The following FRAS1 variants were observed in gnomAD, a reference collection of about 807,000 sequenced individuals.
FRAS1 encodes the protein extracellular matrix organizing protein FRAS1.
A neutral mutation model predicts 435.2 loss-of-function variants in FRAS1; 290 were observed. That is an observed-to-expected ratio of 0.67 (90% CI 0.61 to 0.73). The LOEUF is 0.73. FRAS1 is among the 30% of genes least tolerant of loss of function. The pLI, the probability that FRAS1 is intolerant of heterozygous loss-of-function variation, is 0.00. For missense variants in FRAS1, 4,860 were observed against 5,001.5 expected (o/e 0.97, Z 0.85); for synonymous variants, 1,800 against 1,851.0 (o/e 0.97, Z 0.71).
chr4:78,456,683 T>C (rs1049615733), intron 47 of FRAS1, among the ~76,000 whole-genome samples: 1 of 152,088 alleles, frequency 6.6e-6, no homozygotes, highest in African/African-American at 2.4e-5. Flanking sequence ...TCAGATGGGG[T>C]TGAAGGGTAA....
chr4:78,504,262 G>A (rs569076660), intron 61 of FRAS1, among the ~76,000 whole-genome samples: 2 of 152,278 alleles, frequency 1.3e-5, no homozygotes, highest in African/African-American at 4.8e-5. Context: ...TTCAAGTCCT[G>A]GATATCGTTA....
intron 47 of FRAS1, among the ~76,000 whole-genome samples, chr4:78,455,363 C>T (rs963895099): frequency 1.3e-5 from 2 of 152,124 alleles, no homozygotes; most frequent in African/African-American, 4.8e-5. Flanking sequence ...AGGAGCAGCA[C>T]CTCACCCCAC....
intron 2 of FRAS1, among the ~76,000 whole-genome samples, chr4:78,120,780 TC>T (rs1718968680): frequency 6.6e-6 from 1 of 152,156 alleles, no homozygotes; most frequent in African/African-American, 2.4e-5. Flanking sequence ...TAAGCCCAAT[TC>T]CTAGGCTTTC....
intron 25 of FRAS1, among the ~76,000 whole-genome samples, chr4:78,375,198 C>T (rs1307378664): frequency 6.6e-6 from 1 of 152,122 alleles, no homozygotes; most frequent in Non-Finnish European, 1.5e-5. Context: ...CTATTAAATA[C>T]TACTACTAAA....
At chr4:78,291,170 C>T (rs768363439) in intron 14 of FRAS1, among the ~76,000 whole-genome samples, 3 of 152,218 alleles carry the variant, frequency 2.0e-5, no homozygotes, top group Non-Finnish European at 4.4e-5. Context: ...TGCCACATTG[C>T]ACTGCTATGA....
intron 47 of FRAS1, among the ~76,000 whole-genome samples, chr4:78,459,106 C>T (rs1053682090): frequency 6.6e-6 from 1 of 152,174 alleles, no homozygotes; most frequent in Admixed American, 6.5e-5. Flanking sequence ...CTGGGCCCCA[C>T]CTAGACCAAT....
chr4:78,084,681 G>A (rs1457351787), intron 2 of FRAS1, among the ~76,000 whole-genome samples: 3 of 152,094 alleles, frequency 2.0e-5, no homozygotes, highest in East Asian at 1.9e-4. Flanking sequence ...AAGATGTTCC[G>A]TCCTCTTCAT....
intron 29 of FRAS1, among the ~76,000 whole-genome samples, chr4:78,389,054 ATATGC>A: frequency 6.6e-6 from 1 of 152,340 alleles, no homozygotes; most frequent in East Asian, 1.9e-4. Flanking sequence ...CATTTTGTCC[ATATGC>A]TACTGAAAAT....
At chr4:78,512,501 T>G (rs1032768069) in intron 64 of FRAS1, among the ~76,000 whole-genome samples, 1 of 134,028 alleles carries the variant, frequency 7.5e-6, no homozygotes, top group African/African-American at 2.9e-5. Flanking sequence ...CGCTCAAAGT[T>G]TAAACTGGTA....
chr4:78,396,297 C>G (rs1732659973), intron 29 of FRAS1, among the ~76,000 whole-genome samples: 1 of 152,166 alleles, frequency 6.6e-6, no homozygotes, highest in African/African-American at 2.4e-5. Flanking sequence ...GTTATTCTCA[C>G]TTTGATTATA....
intron 63 of FRAS1, among the ~76,000 whole-genome samples, chr4:78,509,862 A>C (rs934017845): frequency 6.6e-6 from 1 of 152,222 alleles, no homozygotes; most frequent in African/African-American, 2.4e-5. Context: ...TCACTGAATG[A>C]TTTTAGACAT....
At chr4:78,421,693 G>A (rs1004213056) in intron 33 of FRAS1, among the ~76,000 whole-genome samples, 170 bp from the exon 34 acceptor site, 1 of 152,124 alleles carries the variant, frequency 6.6e-6, no homozygotes, top group African/African-American at 2.4e-5. Context: ...TTTCAGATTT[G>A]CCCTTTCCTT....
At chr4:78,370,418 T>C (rs1310775145) in intron 23 of FRAS1, among the ~76,000 whole-genome samples, 1 of 152,232 alleles carries the variant, frequency 6.6e-6, no homozygotes, top group East Asian at 1.9e-4. Context: ...ATGTTGGATA[T>C]GTATCCTGAC....
chr4:78,430,869 G>A (rs1368486028), intron 37 of FRAS1, among the ~76,000 whole-genome samples: 1 of 152,032 alleles, frequency 6.6e-6, no homozygotes, highest in Admixed American at 6.6e-5. Context: ...CATTTTTGAA[G>A]TATTATCTAT....
chr4:78,368,334 CT>C (rs796677701), intron 22 of FRAS1, among the ~76,000 whole-genome samples: 108 of 138,228 alleles, frequency 7.8e-4, no homozygotes, highest in East Asian at 5.4e-3. Flanking sequence ...CAATAGCATT[CT>C]TTTTTTTTTT....
chr4:78,065,465 G>T (rs1447909009), intron 1 of FRAS1, among the ~76,000 whole-genome samples: 1 of 152,012 alleles, frequency 6.6e-6, no homozygotes, highest in Admixed American at 6.6e-5. Context: ...ATAATCTGGT[G>T]GGCAGAAGTT....
intron 20 of FRAS1, among the ~76,000 whole-genome samples, chr4:78,358,988 A>G (rs1040618073): frequency 1.3e-5 from 2 of 152,216 alleles, no homozygotes; most frequent in African/African-American, 4.8e-5. Context: ...AAAAAGCACT[A>G]AAAGAAAAAA....
intron 2 of FRAS1, among the ~76,000 whole-genome samples, chr4:78,195,521 C>T (rs1722763448): frequency 2.0e-5 from 3 of 152,254 alleles, no homozygotes; most frequent in Admixed American, 2.0e-4. Flanking sequence ...TGATCTCAGA[C>T]TGCTGTGCTA....
In FRAS1 at chr4:78,450,131, C is replaced by G; in HGVS notation, c.6275-20C>G. 2 of 1,598,342 alleles carry G rather than the reference C, an allele frequency of 1.3e-6. No homozygotes were observed. Among genetic ancestry groups the G allele is most frequent in the South Asian group, 2.2e-5 (2 of 88,988 alleles). On this transcript the variant is annotated intron_variant, in intron 44 of 73. Transcript: ENST00000512123. ...AGGAAATGTTGGGGAATAACCTACTCTCTTCCGTTCTCTTCCAAGGGTCTG... is the reference window on the plus strand; with the variant it reads ...AGGAAATGTTGGGGAATAACCTACTGTCTTCCGTTCTCTTCCAAGGGTCTG...
Sources: gnomAD v4.1 joint callset for allele counts (sites outside exome capture counted in the v4.1 genomes callset) on GRCh38, gnomAD v4.1.1 for gene constraint, MANE v1.5 for transcripts, NCBI Gene and HGNC (gene_info 2026-07-23, HGNC 2026-07-21) for gene names.